Variants in NXF1 observed in about 807,000 individuals in gnomAD.
NXF1 encodes mRNA export factor TAP.
NXF1 carries 43 observed loss-of-function variants against 92.4 expected under a neutral mutation model. The ratio of observed to expected loss-of-function variants is 0.47; its 90% CI spans 0.36 to 0.60. The LOEUF (loss-of-function observed/expected upper bound fraction) is 0.60. NXF1 is among the 20% of genes least tolerant of loss of function. The pLI is 0.00. For synonymous variants in NXF1, 288 were observed against 292.2 expected, an observed-to-expected ratio of 0.99 and a Z score of 0.15; for missense variants, 576 against 793.0, an observed-to-expected ratio of 0.73 and a Z score of 3.29.
chr11:62,796,047 G>C lies in NXF1; in HGVS notation c.1461+19C>G. 6.2e-7 allele frequency: 1 copy of C among 1,611,744 alleles called. No homozygotes were observed. Among genetic ancestry groups the C allele is most frequent in the Non-Finnish European group, 8.5e-7 (1 of 1,178,888 alleles). On this transcript the variant is annotated intron_variant, in intron 16 of 20. Coordinates refer to ENST00000294172, the MANE Select transcript of NXF1 (RefSeq NM_006362.5). ...CCACCCCAATTCTAGGCTTCTGTCA[G>C]GCGCAAGCAGGAGCTTACTGTCTGG...
At chr11:62,798,416 G>A (rs910604578) in intron 11 of NXF1, 123 bp downstream of exon 11, 40 of 1,392,950 alleles carry the variant, frequency 2.9e-5, no homozygotes, top group African/African-American at 1.0e-4. Context: ...CCTGGGCGAC[G>A]AGTGAAACTC....
At chr11:62,800,319 A>T (rs772160863) in intron 10 of NXF1, 58 bp downstream of exon 10, 21 of 1,612,462 alleles carry the variant, frequency 1.3e-5, no homozygotes, top group Non-Finnish European at 1.8e-5. Flanking sequence ...AGGATGCATT[A>T]GCTCAGCCTC....
At chr11:62,800,111 T>C in intron 10 of NXF1, 1 of 1,312,062 alleles carries the variant, frequency 7.6e-7, no homozygotes, top group South Asian at 1.9e-5. Flanking sequence ...GGTAGGGAGA[T>C]TCTAGAAAAG....
At chr11:62,799,760 G>A (rs1002050427) in intron 10 of NXF1, 1 of 985,918 alleles carries the variant, frequency 1.0e-6, no homozygotes, top group Non-Finnish European at 1.2e-6. Context: ...CACATCTTGG[G>A]GAACCCAGGT....
At chr11:62,798,436 T>TAAAAAAAA in intron 11 of NXF1, 103 bp downstream of exon 11, 3 of 1,176,314 alleles carry the variant, frequency 2.6e-6, no homozygotes, top group South Asian at 3.2e-5. Context: ...CCGTCTCAAA[T>TAAAAAAAA]AAAAAAAAAA....
intron 10 of NXF1, chr11:62,799,623 T>G (rs928603492): frequency 2.0e-6 from 2 of 985,648 alleles, no homozygotes; most frequent in South Asian, 4.7e-5. Context: ...AGTGTGTGAG[T>G]GAGGGAGAGG....
intron 1 of NXF1, chr11:62,805,010 G>T (rs1353368053): frequency 4.1e-5 from 12 of 293,244 alleles, no homozygotes; most frequent in African/African-American, 1.3e-4. Context: ...CACGAGCAGG[G>T]CACTCACTCA....
intron 3 of NXF1, among the ~76,000 whole-genome samples, chr11:62,802,583 A>G (rs1464634890): frequency 6.6e-6 from 1 of 152,076 alleles, no homozygotes; most frequent in Non-Finnish European, 1.5e-5. Context: ...GACTACAGGC[A>G]TGTACTACCA....
In NXF1 at chr11:62,795,018, A is replaced by T; in HGVS notation, c.1505-11T>A. The T allele has an allele frequency of 6.2e-7, 1 of 1,613,234 alleles. No homozygotes were observed. Among genetic ancestry groups the T allele is most frequent in the Non-Finnish European group, 8.5e-7 (1 of 1,179,166 alleles). On this transcript the variant is annotated splice_polypyrimidine_tract_variant and intron_variant, in intron 17 of 20. Coordinates refer to ENST00000294172, the MANE Select transcript of NXF1 (RefSeq NM_006362.5). ...GGGACTTTCCGTCCACTGCAATAAG[A>T]ACAGCAACAACACCTTAGGGTCACT...
chr11:62,800,532 A>G (rs1238501676), intron 9 of NXF1, 46 bp from the exon 10 acceptor site: 2 of 1,408,262 alleles, frequency 1.4e-6, no homozygotes, highest in Non-Finnish European at 9.9e-7. Flanking sequence ...TGGTGAAGAC[A>G]GCCAGCTGGC....
At chr11:62,796,916 A>T (rs1049927332) in intron 13 of NXF1, 1 of 550,356 alleles carries the variant, frequency 1.8e-6, no homozygotes, top group Non-Finnish European at 3.2e-6. Context: ...AAAATACAAA[A>T]ATTAGCCAGG....
chr11:62,804,959 G>C (rs1433745252), intron 1 of NXF1: 1 of 216,846 alleles, frequency 4.6e-6, no homozygotes, highest in Non-Finnish European at 9.0e-6. Flanking sequence ...GAGAGTTCAA[G>C]ACCGACTGGA....
At chr11:62,805,036 C>G (rs568408335) in intron 1 of NXF1, 1 of 326,602 alleles carries the variant, frequency 3.1e-6, no homozygotes, top group South Asian at 1.3e-4. Flanking sequence ...AAGGAAGAGT[C>G]AGGCCGCCAA....
chr11:62,798,350 C>T (rs2084442300), intron 11 of NXF1, among the ~76,000 whole-genome samples, 189 bp downstream of exon 11: 1 of 151,666 alleles, frequency 6.6e-6, no homozygotes, highest in Non-Finnish European at 1.5e-5. Flanking sequence ...AGGAGAATCG[C>T]TTGAACCTGG....
At chr11:62,805,023 T>G in intron 1 of NXF1, 1 of 307,460 alleles carries the variant, frequency 3.3e-6, no homozygotes, top group East Asian at 5.5e-5. Flanking sequence ...CTCACTCACA[T>G]TAAAGGAAGA....
At chr11:62,804,514 C>T (rs989100449) in intron 1 of NXF1, among the ~76,000 whole-genome samples, 13 of 152,128 alleles carry the variant, frequency 8.5e-5, no homozygotes, top group African/African-American at 3.1e-4. Flanking sequence ...AACCAGGGAC[C>T]CTGGAATGCT....
chr11:62,803,907 C>T lies in NXF1; in HGVS notation c.100G>A (p.Gly34Ser), dbSNP rs138084535. ...CTTCCAGACCTACGGTTTCCTTCAC[C>T]ATATTTCCACCGGAAGGGACCCCGG... is the stretch of plus-strand genomic sequence containing the variant. ...KGRGPFRWKYGEGNRRSGRGG... is the reference protein window; with the variant it reads ...KGRGPFRWKYSEGNRRSGRGG... The change falls in exon 2 of 21, where the codon GGT (glycine) becomes AGT (serine). Residue 34 changes from glycine (G) to serine (S), a missense_variant. Coordinates refer to ENST00000294172, the MANE Select transcript of NXF1 (RefSeq NM_006362.5). 4.3e-6 allele frequency: 7 copies of T among 1,614,110 alleles called. No individual in the cohort carries two copies. Among genetic ancestry groups the T allele is most frequent in the South Asian group, 1.1e-5 (1 of 91,086 alleles).
At chr11:62,797,101 C>CA in intron 13 of NXF1, 82 bp downstream of exon 13, 1 of 863,680 alleles carries the variant, frequency 1.2e-6, no homozygotes, top group East Asian at 2.8e-5. Flanking sequence ...AAAAACAAAA[C>CA]AAAAAGATTG....
chr11:62,792,972 T>C (rs2134753893), intron 19 of NXF1, among the ~76,000 whole-genome samples: 1 of 152,292 alleles, frequency 6.6e-6, no homozygotes, highest in Non-Finnish European at 1.5e-5. Flanking sequence ...GAAACTAAGT[T>C]GCAGAACAGT....
Sources: allele counts gnomAD v4.1 joint callset (sites outside exome capture counted in the v4.1 genomes callset), GRCh38; gene constraint gnomAD v4.1.1; transcripts MANE v1.5; gene names NCBI Gene and HGNC (gene_info 2026-07-23, HGNC 2026-07-21).